RBM20: variants seen among roughly 807,000 people sequenced by gnomAD.
RBM20 encodes RNA binding motif protein 20.
RBM20 carries 51 observed loss-of-function variants against 110.1 expected under a neutral mutation model. The ratio of observed to expected loss-of-function variants is 0.46; its 90% confidence interval spans 0.37 to 0.59. RBM20 has a LOEUF of 0.59. Ranked by LOEUF, RBM20 falls within the 20% of genes least tolerant of loss-of-function variation. The pLI is 0.00. For missense variants in RBM20, 1,512 were observed against 1,574.9 expected (o/e 0.96, Z 0.68); for synonymous variants, 589 against 618.2 (o/e 0.95, Z 0.70).
At chr10:110,700,896 T>A (rs1862747444) in intron 1 of RBM20, among the ~76,000 whole-genome samples, 1 of 152,102 alleles carries the variant, frequency 6.6e-6, no homozygotes, top group African/African-American at 2.4e-5. Flanking sequence ...GTGCCTGTAA[T>A]CCCAGCTACT....
At chr10:110,715,202 C>G (rs141408344) in intron 1 of RBM20, among the ~76,000 whole-genome samples, 1 of 152,092 alleles carries the variant, frequency 6.6e-6, no homozygotes, top group African/African-American at 2.4e-5. Flanking sequence ...GAGTCAAGAT[C>G]GCACCACTGC....
chr10:110,829,719 A>T (rs1394479662), intron 12 of RBM20, among the ~76,000 whole-genome samples: 1 of 152,192 alleles, frequency 6.6e-6, no homozygotes. Flanking sequence ...AAGTGAAGCC[A>T]CCCAACCAGC....
At chr10:110,661,503 C>T (rs1431065949) in intron 1 of RBM20, among the ~76,000 whole-genome samples, 4 of 152,148 alleles carry the variant, frequency 2.6e-5, no homozygotes, top group Non-Finnish European at 5.9e-5. Context: ...ATAGGGGATT[C>T]GTGAATAACA....
At chr10:110,833,139 C>A (rs1156542478) in intron 13 of RBM20, among the ~76,000 whole-genome samples, 1 of 151,942 alleles carries the variant, frequency 6.6e-6, no homozygotes, top group Non-Finnish European at 1.5e-5. Context: ...ACCTGTAATC[C>A]CAGCACTTTG....
chr10:110,667,252 G>T (rs1281479683), intron 1 of RBM20, among the ~76,000 whole-genome samples: 3 of 152,224 alleles, frequency 2.0e-5, no homozygotes, highest in African/African-American at 7.2e-5. Context: ...GGCTGGGCCG[G>T]AGCTTATGTG....
chr10:110,705,634 A>G (rs1469097320), intron 1 of RBM20, among the ~76,000 whole-genome samples: 1 of 152,278 alleles, frequency 6.6e-6, no homozygotes, highest in African/African-American at 2.4e-5. Context: ...TCATGTAAAT[A>G]CCATGCTTAT....
chr10:110,685,193 C>T (rs1862484959), intron 1 of RBM20, among the ~76,000 whole-genome samples: 1 of 152,148 alleles, frequency 6.6e-6, no homozygotes, highest in South Asian at 2.1e-4. Context: ...TTGTCCTTGG[C>T]GGGCCTGTCA....
rs2135105962 is a variant in RBM20 at position 110,812,780 on chromosome 10, C to A, written c.2383C>A (p.His795Asn). Residue 795 changes from histidine (H) to asparagine (N), a missense_variant, in exon 9 of 14, where the codon CAC (histidine) becomes AAC (asparagine). Physicochemically the swap from His to Asn is moderately conservative, Grantham distance 68. Transcript: ENST00000369519. ...KDEARLRESR[H>N]PHPDDSGKED... ...CGAGGCCAGGCTGCGGGAAAGCAGA[C>A]ACCCCCATCCGGATGACTCAGGCAA... 6.4e-7 allele frequency: 1 copy of A among 1,551,578 alleles called. No homozygotes were observed. The highest frequency in any genetic ancestry group is 2.4e-5 in the East Asian group (1 of 40,906).
intron 1 of RBM20, among the ~76,000 whole-genome samples, chr10:110,680,675 T>G (rs1314844608): frequency 1.3e-5 from 2 of 151,952 alleles, no homozygotes; most frequent in East Asian, 1.9e-4. Flanking sequence ...GCGGGGAGGG[T>G]GCACGCCTGG....
chr10:110,684,428 AG>A (rs1473143363), intron 1 of RBM20, among the ~76,000 whole-genome samples: 1 of 151,062 alleles, frequency 6.6e-6, no homozygotes, highest in Admixed American at 6.7e-5. Context: ...ACAAAACAAA[AG>A]AAAAAGAAAA....
At position 110,648,695 on chromosome 10, in the gene RBM20, TA is replaced by T. The variant is rs1314005144; in HGVS notation, c.191+4051del. Among the ~76,000 whole-genome samples the T allele has an allele frequency of 2.7e-3, 290 of 109,370 alleles. 2 individuals are homozygous for T. Among genetic ancestry groups the T allele is most frequent in the African/African-American group, 8.4e-3 (284 of 33,684 alleles). 71.8% of individuals were successfully genotyped at this position (109,370 alleles called of 152,430 possible). ...AAAACATCTGAGAGGATTAAGCCTT[TA>T]CCCCAACAGGGAAGAAAAGGGGGGG... On this transcript the variant is annotated intron_variant, in intron 1 of 13. Coordinates refer to ENST00000369519, the MANE Select transcript of RBM20 (RefSeq NM_001134363.3).
intron 1 of RBM20, among the ~76,000 whole-genome samples, chr10:110,753,558 T>C (rs1419981900): frequency 1.3e-5 from 2 of 152,214 alleles, no homozygotes; most frequent in Non-Finnish European, 2.9e-5. Context: ...GGTGAGGAAC[T>C]CTTTGCGTGC....
intron 1 of RBM20, among the ~76,000 whole-genome samples, chr10:110,672,219 G>C (rs1489510885): frequency 1.3e-5 from 2 of 152,224 alleles, no homozygotes; most frequent in Non-Finnish European, 2.9e-5. Context: ...GATGCCTGGC[G>C]CCGCGGGTGG....
At chr10:110,681,241 G>A (rs1042673157) in intron 1 of RBM20, among the ~76,000 whole-genome samples, 1 of 152,172 alleles carries the variant, frequency 6.6e-6, no homozygotes, top group Non-Finnish European at 1.5e-5. Flanking sequence ...GTTAGACCAC[G>A]TCTCCTCGCA....
At chr10:110,668,822 C>T (rs1862218450) in intron 1 of RBM20, among the ~76,000 whole-genome samples, 1 of 151,724 alleles carries the variant, frequency 6.6e-6, no homozygotes, top group South Asian at 2.1e-4. Flanking sequence ...AAGGCAGAGA[C>T]TGACGAAGTT....
At chr10:110,748,072 G>T (rs1454523871) in intron 1 of RBM20, among the ~76,000 whole-genome samples, 1 of 152,132 alleles carries the variant, frequency 6.6e-6, no homozygotes, top group Non-Finnish European at 1.5e-5. Flanking sequence ...TTGAAGTAGA[G>T]AAATGAAACT....
intron 1 of RBM20, among the ~76,000 whole-genome samples, chr10:110,744,660 C>G (rs749386110): frequency 6.6e-6 from 1 of 152,104 alleles, no homozygotes; most frequent in Non-Finnish European, 1.5e-5. Context: ...AGTTTGCAAA[C>G]CATACTTTAG....
At chr10:110,685,103 CTTTGCT>C (rs2134866413) in intron 1 of RBM20, among the ~76,000 whole-genome samples, 1 of 152,352 alleles carries the variant, frequency 6.6e-6, no homozygotes, top group African/African-American at 2.4e-5. Flanking sequence ...CCGTAGGGGC[CTTTGCT>C]GTCCTTCCTG....
chr10:110,753,083 C>T (rs1486747963), intron 1 of RBM20, among the ~76,000 whole-genome samples: 1 of 151,122 alleles, frequency 6.6e-6, no homozygotes, highest in Non-Finnish European at 1.5e-5. Context: ...GGATTGCAGG[C>T]GTGCGCCACC....
Sources: gnomAD v4.1 joint callset for allele counts (sites outside exome capture counted in the v4.1 genomes callset) on GRCh38, gnomAD v4.1.1 for gene constraint, MANE v1.5 for transcripts, NCBI Gene and HGNC (gene_info 2026-07-23, HGNC 2026-07-21) for gene names.